VANGL2: variants seen among roughly 807,000 people sequenced by gnomAD.
The protein encoded by VANGL2 is vang-like protein 2.
A neutral mutation model predicts 50.2 loss-of-function variants in VANGL2; 14 were observed. That is an observed-to-expected ratio of 0.28 (90% CI 0.18 to 0.44). The LOEUF is 0.44. Ranked by LOEUF, VANGL2 falls within the 20% of genes least tolerant of loss-of-function variation. VANGL2 has a pLI of 1.00. For missense variants in VANGL2, 533 were observed against 701.5 expected, an observed-to-expected ratio of 0.76 and a Z score of 2.71; for synonymous variants, 295 against 297.2, an observed-to-expected ratio of 0.99 and a Z score of 0.08.
At chr1:160,402,413 T>A (rs1284246597) in intron 1 of VANGL2, among the ~76,000 whole-genome samples, 1 of 152,070 alleles carries the variant, frequency 6.6e-6, no homozygotes, top group African/African-American at 2.4e-5. Flanking sequence ...GATCCTAAAG[T>A]TCCTGAGGAG....
chr1:160,415,707 G>C lies in VANGL2; in HGVS notation c.-131G>C, dbSNP rs1651029116. 2 of 1,042,632 alleles carry C rather than the reference G, an allele frequency of 1.9e-6. No individual in the cohort carries two copies. The highest frequency in any genetic ancestry group is 1.4e-5 in the South Asian group (1 of 72,480). 64.6% of individuals were successfully genotyped at this position (1,042,632 alleles called of 1,614,324 possible). On this transcript the variant is annotated 5_prime_UTR_variant, in exon 2 of 8. Coordinates refer to ENST00000368061, the MANE Select transcript of VANGL2 (RefSeq NM_020335.3). ...CCGTCCAGCAAAATAGAGTCCCTCA[G>C]GGTGACAGTTGACTTCCTGAAGGTG...
rs1651036413 is a variant in VANGL2 at position 160,415,862 on chromosome 1, G to T, written c.25G>T (p.Gly9Cys). Residue 9 changes from glycine (G) to cysteine (C), a missense_variant, in exon 2 of 8, where the codon GGC (glycine) becomes TGC (cysteine). By Grantham distance (159) the Gly-to-Cys change is radical (BLOSUM62 -3). Coordinates refer to ENST00000368061, the MANE Select transcript of VANGL2 (RefSeq NM_020335.3). ...CATGGACACCGAGTCCCAGTACTCG[G>T]GCTATTCCTACAAGTCGGGCCACTC... Reference protein sequence around the residue: MDTESQYSGYSYKSGHSRS... With the variant: MDTESQYSCYSYKSGHSRS... The T allele has an allele frequency of 1.2e-6, 2 of 1,614,054 alleles. No homozygotes were observed. Among genetic ancestry groups the T allele is most frequent in the Non-Finnish European group, 1.7e-6 (2 of 1,179,984 alleles).
chr1:160,412,590 T>A (rs1039303698), intron 1 of VANGL2, among the ~76,000 whole-genome samples: 1 of 152,188 alleles, frequency 6.6e-6, no homozygotes, highest in African/African-American at 2.4e-5. Flanking sequence ...TGCAAAGTTT[T>A]TTGGAAAGGC....
chr1:160,401,261 A>C (rs972777032), intron 1 of VANGL2, among the ~76,000 whole-genome samples: 1 of 150,986 alleles, frequency 6.6e-6, no homozygotes. Context: ...CGGAGTCTGG[A>C]GGTATTGGAA....
At chr1:160,401,943 T>G (rs1367577673) in intron 1 of VANGL2, among the ~76,000 whole-genome samples, 2 of 152,116 alleles carry the variant, frequency 1.3e-5, no homozygotes, top group Non-Finnish European at 2.9e-5. Flanking sequence ...TGTATGTTTC[T>G]GAGTGTGTGT....
Position 160,424,385 on chromosome 1 carries a change from C to T in VANGL2, c.1305+102C>T, listed in dbSNP as rs1651377721. 2.7e-6 allele frequency: 3 copies of T among 1,099,888 alleles called. No individual in the cohort carries two copies. The African/African-American group carries it at 4.7e-5, about 17-fold the overall frequency. 68.1% of individuals were successfully genotyped at this position (1,099,888 alleles called of 1,614,324 possible). A position where few individuals can be genotyped will look rare whatever the true frequency, so the allele number is the denominator to read the frequency against. On this transcript the variant is annotated intron_variant, in intron 7 of 7. Coordinates refer to ENST00000368061, the MANE Select transcript of VANGL2 (RefSeq NM_020335.3). ...TCTCACTACTTTCCTCACTGTCCAC[C>T]TCATTTCTCTCTCCTCACCACCTCC...
intron 1 of VANGL2, among the ~76,000 whole-genome samples, chr1:160,403,460 G>A (rs550170945): frequency 3.3e-5 from 5 of 152,082 alleles, no homozygotes; most frequent in Admixed American, 6.5e-5. Flanking sequence ...TAATTCTTCC[G>A]GGGCAGGCCT....
At chr1:160,421,227 G>C in intron 6 of VANGL2, 40 bp downstream of exon 6, 2 of 1,610,058 alleles carry the variant, frequency 1.2e-6, no homozygotes, top group Non-Finnish European at 8.5e-7. Flanking sequence ...GGTGCTTGTT[G>C]GGTGAATGGG....
At chr1:160,418,186 G>T (rs1482387506) in intron 3 of VANGL2, among the ~76,000 whole-genome samples, 4 of 152,150 alleles carry the variant, frequency 2.6e-5, no homozygotes, top group Non-Finnish European at 5.9e-5. Context: ...CTCCCAAAGT[G>T]CTGGGATTAC....
At position 160,400,567 on chromosome 1, in the gene VANGL2, C is replaced by T. The variant is rs1650418522; in HGVS notation, c.-493C>T. 6.6e-6 allele frequency: 1 copy of T among 151,304 alleles called. No homozygotes were observed. Among genetic ancestry groups the T allele is most frequent in the Non-Finnish European group, 1.5e-5 (1 of 67,670 alleles). 9.4% of individuals were successfully genotyped at this position (151,304 alleles called of 1,614,324 possible). On this transcript the variant is annotated 5_prime_UTR_variant, in exon 1 of 8. Transcript: ENST00000368061. The stretch of plus-strand genomic sequence containing the variant: ...CTCCCCCTCCGCCCCCTCCCCCCTG[C>T]GCCGCCGGCTCCCGATCTGATTCCT...
At chr1:160,410,846 C>A (rs1650859919) in intron 1 of VANGL2, among the ~76,000 whole-genome samples, 1 of 152,012 alleles carries the variant, frequency 6.6e-6, no homozygotes, top group South Asian at 2.1e-4. Flanking sequence ...GAGGAGAAAC[C>A]CCATTCTCTC....
chr1:160,420,574 C>T, intron 5 of VANGL2, 27 bp downstream of exon 5: 4 of 1,614,142 alleles, frequency 2.5e-6, no homozygotes, highest in Non-Finnish European at 3.4e-6. Context: ...CTCTGCCCTT[C>T]CCTGTCTCTT....
intron 1 of VANGL2, among the ~76,000 whole-genome samples, chr1:160,413,680 C>G (rs374927483): frequency 2.6e-5 from 4 of 152,286 alleles, no homozygotes; most frequent in African/African-American, 7.2e-5. Context: ...CTCCCCTCCT[C>G]CTCTGGCCTT....
Position 160,403,172 on chromosome 1 carries a change from C to T in VANGL2, c.-191+2303C>T, listed in dbSNP as rs377734845. Among the ~76,000 whole-genome samples, 25 of 151,584 alleles carry T rather than the reference C, an allele frequency of 1.6e-4. 1 individual carries two copies. In the East Asian group the frequency reaches 4.5e-3, roughly 27 times the overall value. On this transcript the variant is annotated intron_variant, in intron 1 of 7. Transcript: ENST00000368061. ...CTTTTTTTTTTTTTAATGGATCATT[C>T]CCCCAAACCCAACACCTGTCTGATA...
intron 4 of VANGL2, 48 bp from the exon 5 acceptor site, chr1:160,420,363 C>T (rs1651223395): frequency 6.2e-7 from 1 of 1,612,926 alleles, no homozygotes. Context: ...TCCCCTGTGC[C>T]CCTTGGTCTG....
chr1:160,419,467 G>A lies in VANGL2; in HGVS notation c.658G>A (p.Val220Met), dbSNP rs748502258. 3.7e-6 allele frequency: 6 copies of A among 1,608,092 alleles called. No homozygotes were observed. The highest frequency in any genetic ancestry group is 2.2e-5 in the East Asian group (1 of 44,890). ...CTACCAGGGCGTGGTGCAGTTCGCC[G>A]TGTCGCTGGTGGACGCCCTTCTTTT... ...RSYQGVVQFA[V>M]SLVDALLFVH... is the part of the protein sequence containing the mutation. The change falls in exon 4 of 8, where the codon GTG (valine) becomes ATG (methionine). Residue 220 changes from valine (V) to methionine (M), a missense_variant. Physicochemically the swap from Val to Met is conservative, Grantham distance 21. Coordinates refer to ENST00000368061, the MANE Select transcript of VANGL2 (RefSeq NM_020335.3). This position sits in a 1 kb window ranked among gnomAD's most constrained non-coding sequence, Gnocchi z 5.8.
At position 160,408,348 on chromosome 1, in the gene VANGL2, C is replaced by T. The variant is rs140622809; in HGVS notation, c.-190-7300C>T. Among the ~76,000 whole-genome samples, 1,011 of 152,234 alleles carry T rather than the reference C, an allele frequency of 6.6e-3. 15 individuals are homozygous for T. The highest frequency in any genetic ancestry group is 0.024 in the African/African-American group (979 of 41,528). On this transcript the variant is annotated intron_variant, in intron 1 of 7. Coordinates refer to ENST00000368061, the MANE Select transcript of VANGL2 (RefSeq NM_020335.3). ...GCGGATTTAGAGGTCCTCGGCCTCA[C>T]CCCCAGCCTTAGACTGAGGGAAATT...
chr1:160,424,144 A>T lies in VANGL2; in HGVS notation c.1166A>T (p.Glu389Val), dbSNP rs1557913026. ...CCCAGGGAGGTGATGGACCCCCGGG[A>T]GGCAGCCCAAGCCATCTTTGCATCC... ...KNPREVMDPR[E>V]AAQAIFASMA... is the part of the protein sequence containing the mutation. The change falls in exon 7 of 8, where the codon GAG becomes GTG. Residue 389 changes from glutamate to valine, a missense_variant. Coordinates refer to ENST00000368061, the MANE Select transcript of VANGL2 (RefSeq NM_020335.3). 10 of 1,614,164 alleles carry T rather than the reference A, an allele frequency of 6.2e-6. No homozygotes were observed. Among genetic ancestry groups the T allele is most frequent in the Non-Finnish European group, 7.6e-6 (9 of 1,180,014 alleles).
At chr1:160,420,063 C>T (rs1651213567) in intron 4 of VANGL2, among the ~76,000 whole-genome samples, 1 of 152,052 alleles carries the variant, frequency 6.6e-6, no homozygotes, top group African/African-American at 2.4e-5. Flanking sequence ...TCCCAGTAAA[C>T]AAGCTACCCC....
Sources: allele counts gnomAD v4.1 joint callset (sites outside exome capture counted in the v4.1 genomes callset), GRCh38; gene constraint gnomAD v4.1.1; non-coding constraint Gnocchi (gnomAD v3.1); transcripts MANE v1.5; gene names NCBI Gene and HGNC (gene_info 2026-07-23, HGNC 2026-07-21).